PRR12: variants seen among roughly 807,000 people sequenced by gnomAD.
The protein encoded by PRR12 is proline-rich protein 12.
PRR12 carries 12 observed loss-of-function variants against 138.0 expected under a neutral mutation model. The observed-to-expected ratio is 0.09, with a 90% CI of 0.06 to 0.14. The LOEUF (loss-of-function observed/expected upper bound fraction) is 0.14. Among genes scored for constraint, PRR12 ranks in the 10% least tolerant of loss-of-function variants. PRR12 has a pLI of 1.00. For synonymous variants in PRR12, 1,567 were observed against 1,291.7 expected, an observed-to-expected ratio of 1.21 and a Z score of -4.57; for missense variants, 2,692 against 2,861.3, an observed-to-expected ratio of 0.94 and a Z score of 1.35.
chr19:49,620,946 A>AG (rs2080919407), intron 10 of PRR12, among the ~76,000 whole-genome samples: 2 of 100,706 alleles, frequency 2.0e-5, no homozygotes, highest in Non-Finnish European at 4.0e-5. Flanking sequence ...GGAAGGAGGG[A>AG]CTGGGGCCTG....
At position 49,615,974 on chromosome 19, in the gene PRR12, A is replaced by C; in HGVS notation, c.5252A>C (p.Glu1751Ala). 1 of 1,552,684 alleles carries C rather than the reference A, an allele frequency of 6.4e-7. No individual in the cohort carries two copies. Among genetic ancestry groups the C allele is most frequent in the Non-Finnish European group, 8.7e-7 (1 of 1,147,628 alleles). Residue 1751 changes from glutamate to alanine, a missense_variant, in exon 9 of 14, where the codon GAG becomes GCG. Glu to Ala is a moderately radical substitution (Grantham distance 107). Transcript: ENST00000418929. The part of the protein sequence containing the change: ...EKEKEKVTRG[E>A]RPLRGERATS... ...GAGAAGGAGAAGGTGACACGTGGAG[A>C]GCGGCCATTGCGGGGTGAGCGGGCC...
In PRR12 at chr19:49,601,695, C is replaced by A; in HGVS notation, c.4550C>A (p.Pro1517Gln). The A allele has an allele frequency of 1.9e-6, 3 of 1,539,904 alleles. No homozygotes were observed. The highest frequency in any genetic ancestry group is 2.6e-6 in the Non-Finnish European group (3 of 1,146,166). ...ATGCCCTCGCCTCCACCACCACCCC[C>A]ACCAGCCGCTGCCCCACTGGCTGCT... The part of the protein sequence containing the change: ...PAMPSPPPPP[P>Q]PAAAPLAAPP... Residue 1517 changes from proline to glutamine, a missense_variant, in exon 6 of 14, where the codon CCA becomes CAA. Pro to Gln is a moderately conservative substitution (Grantham distance 76). Coordinates refer to ENST00000418929, the MANE Select transcript of PRR12 (RefSeq NM_020719.3).
chr19:49,622,919 A>ATG (rs2080931854), intron 11 of PRR12, among the ~76,000 whole-genome samples: 2 of 84,984 alleles, frequency 2.4e-5, no homozygotes, highest in South Asian at 9.0e-4. Context: ...ATATATATAT[A>ATG]TATATATATA....
rs1370524792 is a variant in PRR12 at position 49,616,896 on chromosome 19, A to G, written c.5497+677A>G. 6.6e-6 allele frequency among the ~76,000 whole-genome samples: 1 copy of G among 152,190 alleles called. No homozygotes were observed. The highest frequency in any genetic ancestry group is 1.9e-4 in the East Asian group (1 of 5,200). ...GTAATCCCAACACTTTGGGAGGCCAAGGTGGGCGGATCAGCTGAGGTCAGG... is the reference window on the plus strand; with the variant it reads ...GTAATCCCAACACTTTGGGAGGCCAGGGTGGGCGGATCAGCTGAGGTCAGG... On this transcript the variant is annotated intron_variant, in intron 9 of 13. Transcript: ENST00000418929. The surrounding 1 kb of genome is among the most constrained non-coding windows in gnomAD (Gnocchi z 4.2).
At position 49,597,104 on chromosome 19, in the gene PRR12, G is replaced by A. The variant is rs1239702888; in HGVS notation, c.2769G>A (p.Ala923=). The A allele has an allele frequency of 2.6e-6, 4 of 1,551,018 alleles. No homozygotes were observed. The highest frequency in any genetic ancestry group is 1.4e-5 in the African/African-American group (1 of 73,120). The change falls in exon 4 of 14, where the codon GCG becomes GCA. Residue 923 remains alanine, a synonymous_variant. Transcript: ENST00000418929. This position sits in a 1 kb window ranked among gnomAD's most constrained non-coding sequence, Gnocchi z 6.3. Reference sequence around the variant, plus strand: ...GCCCCAGCCCGCAAGGCACCAAGGCGCCGCGTTTCGTGCCGCTCACCTCCA... The same window carrying A: ...GCCCCAGCCCGCAAGGCACCAAGGCACCGCGTTTCGTGCCGCTCACCTCCA... ...YRSPSPQGTK[A]PRFVPLTSIC...
chr19:49,603,923 C>T (rs915278197), intron 6 of PRR12, among the ~76,000 whole-genome samples: 7 of 151,940 alleles, frequency 4.6e-5, no homozygotes, highest in South Asian at 2.1e-4. Flanking sequence ...CGGGTTCAAG[C>T]GATTCTCCTG....
intron 2 of PRR12, among the ~76,000 whole-genome samples, 188 bp downstream of exon 2, chr19:49,593,627 T>C (rs577814808): frequency 6.6e-4 from 100 of 152,202 alleles, no homozygotes; most frequent in African/African-American, 2.3e-3. Flanking sequence ...GCCGGATTCG[T>C]CCGCCCCTGC....
chr19:49,601,337 C>T (rs945589908), intron 5 of PRR12, among the ~76,000 whole-genome samples, 154 bp from the exon 6 acceptor site: 7 of 152,060 alleles, frequency 4.6e-5, no homozygotes, highest in African/African-American at 1.7e-4. Context: ...CAGAGTAGGT[C>T]TCTGGAGAGA....
At chr19:49,619,439 T>C (rs573543447) in intron 9 of PRR12, among the ~76,000 whole-genome samples, 73 of 150,516 alleles carry the variant, frequency 4.8e-4, no homozygotes, top group African/African-American at 1.6e-3. Flanking sequence ...TTCTCCATGT[T>C]GGTCAGGCTG....
At chr19:49,621,702 C>A in intron 11 of PRR12, 80 bp downstream of exon 11, 1 of 1,163,814 alleles carries the variant, frequency 8.6e-7, no homozygotes, top group Non-Finnish European at 1.2e-6. Flanking sequence ...CCGCTGTTGG[C>A]GGGGGTGATC....
intron 6 of PRR12, among the ~76,000 whole-genome samples, chr19:49,608,852 A>T (rs534612271): frequency 2.6e-5 from 4 of 151,838 alleles, no homozygotes; most frequent in Non-Finnish European, 1.5e-5. Flanking sequence ...AAAAAAAAAA[A>T]CAAAAAAAAC....
chr19:49,606,704 T>A (rs1204116749), intron 6 of PRR12, among the ~76,000 whole-genome samples: 1 of 146,556 alleles, frequency 6.8e-6, no homozygotes. Flanking sequence ...TGGAGTGCGG[T>A]GGCACAATCT....
In PRR12 at chr19:49,595,049, T is replaced by G; in HGVS notation, c.714T>G (p.Pro238=). 1 of 1,567,272 alleles carries G rather than the reference T, an allele frequency of 6.4e-7. No individual in the cohort carries two copies. Among genetic ancestry groups the G allele is most frequent in the Non-Finnish European group, 8.6e-7 (1 of 1,158,296 alleles). Residue 238 remains proline, a synonymous_variant, in exon 4 of 14, where the codon CCT becomes CCG. Transcript: ENST00000418929. ...GCCCCCCAGACCCACCACCACCTCC[T>G]CGCCACCTCCCAACTCAGTTCAACC... The part of the protein sequence containing the change: ...RPGPPDPPPP[P]RHLPTQFNLL...
Position 49,593,482 on chromosome 19 carries a change from T to TC in PRR12, c.199+49dup, listed in dbSNP as rs748182241. Reference sequence around the variant, plus strand: ...CCCCGCTTTGGGCTGGCCCTCCCCCTCCCCCCGAGGCAGCTGATTGGCTGT... The same window carrying TC: ...CCCCGCTTTGGGCTGGCCCTCCCCCTCCCCCCCGAGGCAGCTGATTGGCTGT... On this transcript the variant is annotated intron_variant, in intron 2 of 13. Transcript: ENST00000418929. 113 of 405,602 alleles carry TC rather than the reference T, an allele frequency of 2.8e-4. No individual in the cohort carries two copies. The African/African-American group carries it at 5.4e-3, about 19-fold the overall frequency. The allele number at this position is 405,602 out of a possible 1,614,324, so 25.1% of individuals were successfully genotyped here.
rs201282388 is a variant in PRR12 at position 49,621,559 on chromosome 19, C to T, written c.5658C>T (p.Asp1886=). 5.7e-4 allele frequency: 919 copies of T among 1,607,522 alleles called. 1 individual carries two copies. Among genetic ancestry groups the T allele is most frequent in the East Asian group, 2.6e-3 (118 of 44,654 alleles). Residue 1886 remains aspartate, a synonymous_variant, in exon 11 of 14, where the codon GAC becomes GAT. Coordinates refer to ENST00000418929, the MANE Select transcript of PRR12 (RefSeq NM_020719.3). The stretch of plus-strand genomic sequence containing the variant: ...ACCTGCCCCCCATGCGGAAGATAGA[C>T]GGCCTGCTGAATGAGCACAAGAAGA... ...ELYLPPMRKI[D]GLLNEHKKKV...
chr19:49,604,257 C>T (rs758507538), intron 6 of PRR12, among the ~76,000 whole-genome samples: 21 of 151,332 alleles, frequency 1.4e-4, no homozygotes, highest in Non-Finnish European at 2.6e-4. Context: ...GATCCCAGAA[C>T]TTTGAGAGAC....
intron 6 of PRR12, among the ~76,000 whole-genome samples, chr19:49,604,003 T>C (rs60906557): frequency 0.18 from 26,981 of 151,726 alleles, 2,616 homozygotes; most frequent in South Asian, 0.3. Context: ...GTATTTTTAG[T>C]AGAGAAGGGG....
At position 49,594,351 on chromosome 19, in the gene PRR12, C is replaced by T. The variant is rs571135740; in HGVS notation, c.200-103C>T. On this transcript the variant is annotated intron_variant, in intron 2 of 13. Transcript: ENST00000418929. The surrounding 1 kb of genome is among the most constrained non-coding windows in gnomAD (Gnocchi z 5.6). ...GAATTTGCCCTTTTCTCTCCCATCC[C>T]CTCCTTTTCCTGATCCAACTTGCTT... The T allele has an allele frequency of 4.2e-6, 5 of 1,193,628 alleles. No individual in the cohort carries two copies. Among genetic ancestry groups the T allele is most frequent in the East Asian group, 4.9e-5 (2 of 40,746 alleles). 73.9% of individuals were successfully genotyped at this position (1,193,628 alleles called of 1,614,324 possible).
intron 6 of PRR12, among the ~76,000 whole-genome samples, chr19:49,613,447 G>C (rs1187003465): frequency 6.6e-6 from 1 of 152,116 alleles, no homozygotes; most frequent in East Asian, 1.9e-4. Flanking sequence ...CATATTTCGC[G>C]CCTCTGCTGC....
Sources: allele counts gnomAD v4.1 joint callset (sites outside exome capture counted in the v4.1 genomes callset), GRCh38; gene constraint gnomAD v4.1.1; non-coding constraint Gnocchi (gnomAD v3.1); transcripts MANE v1.5; gene names NCBI Gene and HGNC (gene_info 2026-07-23, HGNC 2026-07-21).